The following MARF1 variants were observed in gnomAD, a reference collection of about 807,000 sequenced individuals.
MARF1 encodes meiosis regulator and mRNA stability factor 1.
A neutral mutation model predicts 168.2 loss-of-function variants in MARF1; 24 were observed. That is an observed-to-expected ratio of 0.14 (90% CI 0.10 to 0.20). The LOEUF (loss-of-function observed/expected upper bound fraction) is 0.20, where lower values mean the gene tolerates loss of function less well. Among genes scored for constraint, MARF1 ranks in the 10% least tolerant of loss-of-function variants. The probability of loss-of-function intolerance (pLI) is 1.00; values close to 1 mark genes in which losing one functional copy is unlikely to be tolerated. For missense variants in MARF1, 1,744 were observed against 2,143.6 expected (o/e 0.81, Z 3.68); for synonymous variants, 868 against 822.4 (o/e 1.06, Z -0.95).
At chr16:15,602,387 C>A (rs1009073677) in intron 22 of MARF1, 184 bp from the exon 23 acceptor site, 6 of 617,378 alleles carry the variant, frequency 9.7e-6, no homozygotes, top group South Asian at 8.0e-5. Context: ...AAGAAGGAGA[C>A]GACAAAGATA....
Position 15,595,638 on chromosome 16 carries a change from A to G in MARF1, c.*1055T>C, listed in dbSNP as rs1438316840. 1 of 152,318 alleles carries G rather than the reference A, an allele frequency of 6.6e-6. No homozygotes were observed. The highest frequency in any genetic ancestry group is 1.5e-5 in the Non-Finnish European group (1 of 68,032). The allele number at this position is 152,318 out of a possible 1,614,324, so 9.4% of individuals were successfully genotyped here. ...AATCAGACACGATTAAAAGATGCTG[A>G]GCTGACATACACACACATAAAGCTT... On this transcript the variant is annotated 3_prime_UTR_variant, in exon 27 of 27. Coordinates refer to ENST00000396368, the MANE Select transcript of MARF1 (RefSeq NM_014647.4).
At chr16:15,635,496 T>C in intron 3 of MARF1, 160 bp downstream of exon 3, 1 of 646,938 alleles carries the variant, frequency 1.5e-6, no homozygotes, top group Non-Finnish European at 2.6e-6. Context: ...TTACCCTTTG[T>C]TTCTTTCAGA....
chr16:15,613,387 T>C (rs368988576), intron 16 of MARF1, among the ~76,000 whole-genome samples: 14 of 152,090 alleles, frequency 9.2e-5, no homozygotes, highest in South Asian at 2.1e-4. Context: ...CGGCGGCTCA[T>C]GCCTGTAATC....
intron 7 of MARF1, among the ~76,000 whole-genome samples, chr16:15,627,369 C>CAGAGGCTGGGCACGGTGGCT (rs2034940667): frequency 2.6e-5 from 4 of 152,148 alleles, no homozygotes; most frequent in Admixed American, 1.3e-4. Flanking sequence ...CCTGTAATCC[C>CAGAGGCTGGGCACGGTGGCT]AGCACTTTGC....
At chr16:15,632,564 G>A (rs2035321273) in intron 5 of MARF1, among the ~76,000 whole-genome samples, 1 of 152,212 alleles carries the variant, frequency 6.6e-6, no homozygotes, top group South Asian at 2.1e-4. Flanking sequence ...AGGTGGTAGA[G>A]AGAGGAGGGA....
intron 7 of MARF1, among the ~76,000 whole-genome samples, chr16:15,629,356 T>G (rs1193326439): frequency 6.6e-6 from 1 of 152,172 alleles, no homozygotes. Flanking sequence ...AGTTTCAACT[T>G]AAGCCAGACC....
intron 13 of MARF1, among the ~76,000 whole-genome samples, chr16:15,617,833 G>A (rs2034179138): frequency 6.6e-6 from 1 of 151,920 alleles, no homozygotes; most frequent in African/African-American, 2.4e-5. Context: ...AACCTCTCTC[G>A]ATGCAGCTCC....
Position 15,633,602 on chromosome 16 carries a change from ATTTT to A in MARF1, c.1233+11_1233+14del. On this transcript the variant is annotated intron_variant, in intron 5 of 26. Coordinates refer to ENST00000396368, the MANE Select transcript of MARF1 (RefSeq NM_014647.4). The stretch of plus-strand genomic sequence containing the variant: ...CTCTACTGTAGATTAAAATTATTAA[ATTTT>A]TTTTTTTTACCTGGCAATTATTCAG... 1.5e-6 allele frequency: 2 copies of A among 1,319,120 alleles called. No individual in the cohort carries two copies. The highest frequency in any genetic ancestry group is 2.7e-5 in the South Asian group (2 of 73,436). The allele number at this position is 1,319,120 out of a possible 1,614,324, so 81.7% of individuals were successfully genotyped here.
In MARF1 at chr16:15,635,874, T is replaced by G; in HGVS notation, c.613A>C (p.Asn205His). Residue 205 changes from asparagine to histidine, a missense_variant, in exon 3 of 27, where the codon AAT becomes CAT. Physicochemically the swap from Asn to His is moderately conservative, Grantham distance 68. Coordinates refer to ENST00000396368, the MANE Select transcript of MARF1 (RefSeq NM_014647.4). ...GKLHFQSCHGNVHKLHQFPSL... is the reference protein window; with the variant it reads ...GKLHFQSCHGHVHKLHQFPSL... ...GGAAACTGATGCAGCTTGTGCACAT[T>G]ACCATGACATGACTGGAAGTGGAGT... is the stretch of plus-strand genomic sequence containing the variant. 6.2e-7 allele frequency: 1 copy of G among 1,614,204 alleles called. No individual in the cohort carries two copies. Among genetic ancestry groups the G allele is most frequent in the Non-Finnish European group, 8.5e-7 (1 of 1,180,024 alleles).
In MARF1 at chr16:15,636,092, G is replaced by C; in HGVS notation, c.395C>G (p.Pro132Arg). 6.2e-7 allele frequency: 1 copy of C among 1,614,196 alleles called. No homozygotes were observed. Among genetic ancestry groups the C allele is most frequent in the Non-Finnish European group, 8.5e-7 (1 of 1,180,036 alleles). ...GCTTTGCGAGTCTAACAGTGCGCCCGGGTGAATCAAGCTACTGGTACCTCC... is the reference window on the plus strand; with the variant it reads ...GCTTTGCGAGTCTAACAGTGCGCCCCGGTGAATCAAGCTACTGGTACCTCC... The part of the protein sequence containing the change: ...GSGGTSSLIH[P>R]GALLDSQSTR... Residue 132 changes from proline to arginine, a missense_variant, in exon 3 of 27, where the codon CCG becomes CGG. By Grantham distance (103) the Pro-to-Arg change is moderately radical. Transcript: ENST00000396368.
At chr16:15,635,146 T>C in intron 3 of MARF1, 1 of 516,200 alleles carries the variant, frequency 1.9e-6, no homozygotes, top group Non-Finnish European at 3.4e-6. Context: ...AAGAAAGATA[T>C]TCACGTGGTC....
chr16:15,636,930 CAATTA>C (rs2035637492), intron 2 of MARF1, among the ~76,000 whole-genome samples: 1 of 152,132 alleles, frequency 6.6e-6, no homozygotes, highest in Non-Finnish European at 1.5e-5. Flanking sequence ...GCCATAATGA[CAATTA>C]TATTGCAGCC....
At chr16:15,637,113 GACC>G in intron 2 of MARF1, among the ~76,000 whole-genome samples, 1 of 152,294 alleles carries the variant, frequency 6.6e-6, no homozygotes, top group Non-Finnish European at 1.5e-5. Context: ...ATAGTTGTAT[GACC>G]TTGGGTAAGT....
chr16:15,609,218 G>T lies in MARF1; in HGVS notation c.3954+305C>A, dbSNP rs376975575. On this transcript the variant is annotated intron_variant, in intron 20 of 26. Coordinates refer to ENST00000396368, the MANE Select transcript of MARF1 (RefSeq NM_014647.4). The stretch of plus-strand genomic sequence containing the variant: ...TGCGCCATTGCACTCCAGCCTGGGC[G>T]ACAAGAAAGAAACTCCGTCTCAAAA... Among the ~76,000 whole-genome samples, 371 of 152,190 alleles carry T rather than the reference G, an allele frequency of 2.4e-3. 18 individuals carry two copies. The South Asian group carries it at 0.076, about 31-fold the overall frequency.
At chr16:15,614,108 C>T (rs1031691637) in intron 16 of MARF1, among the ~76,000 whole-genome samples, 8 of 152,096 alleles carry the variant, frequency 5.3e-5, no homozygotes, top group Non-Finnish European at 2.9e-5. Flanking sequence ...AAGTCCAAAA[C>T]GTGGACCAAA....
Position 15,633,675 on chromosome 16 carries a change from C to G in MARF1, c.1175G>C (p.Cys392Ser). Reference sequence around the variant, plus strand: ...GTTTTCTTTACTGATGTCACATACACAGATGAATTCTGCTTCTCTGTGGCC... The same window carrying G: ...GTTTTCTTTACTGATGTCACATACAGAGATGAATTCTGCTTCTCTGTGGCC... ...FKGHREAEFICVCDISKENKE... is the reference protein window; with the variant it reads ...FKGHREAEFISVCDISKENKE... Residue 392 changes from cysteine (C) to serine (S), a missense_variant, in exon 5 of 27, where the codon TGT becomes TCT. Cys to Ser is a moderately radical substitution (Grantham distance 112). Around this residue, in one of 7 missense-constraint regions of MARF1, gnomAD observed 217 missense variants for 372.4 expected, o/e 0.58. Coordinates refer to ENST00000396368, the MANE Select transcript of MARF1 (RefSeq NM_014647.4). 6.2e-7 allele frequency: 1 copy of G among 1,614,036 alleles called. No individual in the cohort carries two copies.
At chr16:15,636,372 A>C (rs763683025) in intron 2 of MARF1, 30 bp from the exon 3 acceptor site, 1 of 1,505,298 alleles carries the variant, frequency 6.6e-7, no homozygotes, top group Admixed American at 2.3e-5. Flanking sequence ...ACATAAATTA[A>C]TTTTATGAGG....
rs2031491345 is a variant in MARF1 at position 15,594,440 on chromosome 16, C to T, written c.*2253G>A. On this transcript the variant is annotated 3_prime_UTR_variant, in exon 27 of 27. Transcript: ENST00000396368. The stretch of plus-strand genomic sequence containing the variant: ...AACTGTTTGGTCCCAACACACAAAA[C>T]AGCACTTGAACCACAACAAAAGTGT... The T allele has an allele frequency of 6.6e-6, 1 of 152,626 alleles. No homozygotes were observed. Among genetic ancestry groups the T allele is most frequent in the South Asian group, 2.1e-4 (1 of 4,832 alleles). 9.5% of individuals were successfully genotyped at this position (152,626 alleles called of 1,614,324 possible).
intron 21 of MARF1, among the ~76,000 whole-genome samples, chr16:15,607,854 G>C (rs1232828141): frequency 6.6e-6 from 1 of 152,130 alleles, no homozygotes. Context: ...CTGCACCCTC[G>C]CTTGCTCCTA....
Sources: allele counts gnomAD v4.1 joint callset (sites outside exome capture counted in the v4.1 genomes callset), GRCh38; gene constraint gnomAD v4.1.1; regional missense constraint gnomAD v4.1.1; transcripts MANE v1.5; gene names NCBI Gene and HGNC (gene_info 2026-07-23, HGNC 2026-07-21).